Variants in BRINP2 observed in about 807,000 individuals in gnomAD.
The protein encoded by BRINP2 is BMP/retinoic acid-inducible neural-specific protein 2.
BRINP2 carries 21 observed loss-of-function variants against 69.2 expected under a neutral mutation model. The ratio of observed to expected loss-of-function variants is 0.30; its 90% CI spans 0.22 to 0.44. The LOEUF (loss-of-function observed/expected upper bound fraction) is 0.44, where lower values mean the gene tolerates loss of function less well. BRINP2 is among the 20% of genes least tolerant of loss of function. The pLI is 1.00. For missense variants in BRINP2, 877 were observed against 986.0 expected (o/e 0.89, Z 1.48); for synonymous variants, 380 against 394.1 (o/e 0.96, Z 0.42).
intron 3 of BRINP2, 45 bp downstream of exon 3, chr1:177,256,154 G>A (rs764335764): frequency 1.3e-6 from 2 of 1,593,562 alleles, no homozygotes; most frequent in South Asian, 1.1e-5. Flanking sequence ...CCAGACCATT[G>A]GAAATAACGT....
chr1:177,176,653 A>T (rs898994770), intron 1 of BRINP2, among the ~76,000 whole-genome samples: 1 of 151,898 alleles, frequency 6.6e-6, no homozygotes, highest in African/African-American at 2.4e-5. Flanking sequence ...ATAAAAAGAG[A>T]AAGAACATGG....
At chr1:177,206,785 G>A (rs1469243372) in intron 1 of BRINP2, among the ~76,000 whole-genome samples, 3 of 152,152 alleles carry the variant, frequency 2.0e-5, no homozygotes, top group African/African-American at 7.2e-5. Context: ...GGCAAATGAG[G>A]CTTCAGAGAG....
chr1:177,202,777 A>G (rs1318115738), intron 1 of BRINP2, among the ~76,000 whole-genome samples: 1 of 152,218 alleles, frequency 6.6e-6, no homozygotes, highest in African/African-American at 2.4e-5. Context: ...CCGCAGTGAG[A>G]TACCATCTCA....
intron 2 of BRINP2, among the ~76,000 whole-genome samples, chr1:177,246,516 G>T (rs1475465885): frequency 6.6e-6 from 1 of 152,206 alleles, no homozygotes; most frequent in Non-Finnish European, 1.5e-5. Flanking sequence ...AAACAGTTTG[G>T]ATATCAAGAC....
intron 2 of BRINP2, among the ~76,000 whole-genome samples, chr1:177,233,340 C>T (rs1235793286): frequency 2.0e-5 from 3 of 152,152 alleles, no homozygotes; most frequent in Non-Finnish European, 4.4e-5. Context: ...TTTTCTTGTT[C>T]CTCAATTTTC....
At chr1:177,255,784 C>T in intron 2 of BRINP2, 135 bp from the exon 3 acceptor site, 1 of 902,236 alleles carries the variant, frequency 1.1e-6, no homozygotes, top group South Asian at 1.7e-5. Flanking sequence ...GCTCTGGGCA[C>T]CTCCAGCTGA....
At chr1:177,198,102 G>C (rs1416469675) in intron 1 of BRINP2, among the ~76,000 whole-genome samples, 1 of 152,126 alleles carries the variant, frequency 6.6e-6, no homozygotes, top group Non-Finnish European at 1.5e-5. Context: ...TCAAAGCAAA[G>C]AAAATGTGAA....
chr1:177,216,567 A>G (rs1289395463), intron 1 of BRINP2, among the ~76,000 whole-genome samples: 2 of 152,132 alleles, frequency 1.3e-5, no homozygotes, highest in East Asian at 1.9e-4. Context: ...ATTTTGCTAC[A>G]TAAAACTTAT....
chr1:177,234,771 A>G (rs1322228393), intron 2 of BRINP2, among the ~76,000 whole-genome samples: 3 of 152,264 alleles, frequency 2.0e-5, no homozygotes, highest in African/African-American at 7.2e-5. Flanking sequence ...TAGAAGCCAC[A>G]TGTTAGAAGT....
intron 1 of BRINP2, among the ~76,000 whole-genome samples, chr1:177,174,987 G>A (rs1648045184): frequency 6.6e-6 from 1 of 152,164 alleles, no homozygotes; most frequent in Non-Finnish European, 1.5e-5. Flanking sequence ...GATATTGGGG[G>A]TAAGCAAGCA....
At chr1:177,227,112 G>A (rs1649717048) in intron 1 of BRINP2, among the ~76,000 whole-genome samples, 1 of 152,176 alleles carries the variant, frequency 6.6e-6, no homozygotes, top group Non-Finnish European at 1.5e-5. Flanking sequence ...CAGATCATGG[G>A]AGTGACATCC....
chr1:177,184,708 T>A (rs1648376163), intron 1 of BRINP2, among the ~76,000 whole-genome samples: 1 of 151,322 alleles, frequency 6.6e-6, no homozygotes, highest in South Asian at 2.1e-4. Context: ...CAGGGAAGAC[T>A]TTTATGTTTA....
intron 1 of BRINP2, among the ~76,000 whole-genome samples, chr1:177,182,933 G>T (rs1228146985): frequency 1.3e-5 from 2 of 151,642 alleles, no homozygotes; most frequent in Admixed American, 6.6e-5. Context: ...AAACTTAGGG[G>T]TTTTGTTGTT....
intron 6 of BRINP2, among the ~76,000 whole-genome samples, chr1:177,277,298 T>TA (rs1167074436): frequency 1.3e-5 from 2 of 151,230 alleles, no homozygotes; most frequent in South Asian, 4.2e-4. Flanking sequence ...TGTTGAAAAA[T>TA]AAAAAATATG....
intron 2 of BRINP2, among the ~76,000 whole-genome samples, chr1:177,234,445 T>C (rs566097555): frequency 3.4e-4 from 51 of 152,220 alleles, no homozygotes; most frequent in Non-Finnish European, 6.2e-4. Context: ...CTTGAAACAA[T>C]CTAGTGGTAA....
At position 177,281,173 on chromosome 1, in the gene BRINP2, T is replaced by G. The variant is rs1281390876; in HGVS notation, c.1997T>G (p.Leu666Arg). 4 of 1,614,122 alleles carry G rather than the reference T, an allele frequency of 2.5e-6. No homozygotes were observed. In the East Asian group the frequency reaches 8.9e-5, roughly 36 times the overall value. Residue 666 changes from leucine (L) to arginine (R), a missense_variant, in exon 8 of 8, where the codon CTG becomes CGG. Around this residue, in one of 3 missense-constraint regions of BRINP2, gnomAD observed 225 missense variants for 218.7 expected, o/e 1.03. Transcript: ENST00000361539. ...AATGAGACAATCTACTATGAGCCCC[T>G]GGAGATGACTGATCCCTCTAAGAAT... Reference protein sequence around the residue: ...SSNETIYYEPLEMTDPSKNLG... With the variant: ...SSNETIYYEPREMTDPSKNLG...
At chr1:177,205,918 G>C (rs1649059283) in intron 1 of BRINP2, among the ~76,000 whole-genome samples, 1 of 152,228 alleles carries the variant, frequency 6.6e-6, no homozygotes, top group Non-Finnish European at 1.5e-5. Flanking sequence ...TAGCGTATCA[G>C]TGCTGGTCTA....
intron 1 of BRINP2, among the ~76,000 whole-genome samples, chr1:177,200,363 A>G (rs1016537545): frequency 6.7e-6 from 1 of 149,168 alleles, no homozygotes; most frequent in Non-Finnish European, 1.5e-5. Context: ...CCAGAGCAAC[A>G]TAGCAGCCAC....
At chr1:177,216,538 C>G (rs1249006869) in intron 1 of BRINP2, among the ~76,000 whole-genome samples, 1 of 152,120 alleles carries the variant, frequency 6.6e-6, no homozygotes, top group Admixed American at 6.5e-5. Flanking sequence ...ACTACTATCA[C>G]AGTCCTAGGC....
Sources: gnomAD v4.1 joint callset for allele counts (sites outside exome capture counted in the v4.1 genomes callset) on GRCh38, gnomAD v4.1.1 for gene constraint, gnomAD v4.1.1 regional missense constraint, MANE v1.5 for transcripts, NCBI Gene and HGNC (gene_info 2026-07-23, HGNC 2026-07-21) for gene names.